The following HCN1 variants were observed in gnomAD, a reference collection of about 807,000 sequenced individuals.
HCN1 encodes potassium/sodium hyperpolarization-activated cyclic nucleotide-gated channel 1.
A neutral mutation model predicts 78.9 loss-of-function variants in HCN1; 13 were observed. The observed-to-expected ratio is 0.16, with a 90% CI of 0.11 to 0.26. The LOEUF (loss-of-function observed/expected upper bound fraction) is 0.26, where lower values mean the gene tolerates loss of function less well. Among genes scored for constraint, HCN1 ranks in the 10% least tolerant of loss-of-function variants. The pLI, the probability that HCN1 is intolerant of heterozygous loss-of-function variation, is 1.00. For missense variants in HCN1, 810 were observed against 1,154.3 expected, an observed-to-expected ratio of 0.70 and a Z score of 4.32; for synonymous variants, 552 against 455.5, an observed-to-expected ratio of 1.21 and a Z score of -2.70.
intron 3 of HCN1, among the ~76,000 whole-genome samples, chr5:45,408,277 T>C (rs955633513): frequency 7.2e-5 from 11 of 152,180 alleles, no homozygotes; most frequent in Non-Finnish European, 1.2e-4. Flanking sequence ...GCCTTACTAC[T>C]CCCTGACTCA....
At chr5:45,276,585 A>G (rs765453149) in intron 6 of HCN1, among the ~76,000 whole-genome samples, 31 of 152,170 alleles carry the variant, frequency 2.0e-4, no homozygotes, top group Non-Finnish European at 3.7e-4. Context: ...CAAGTTAACC[A>G]CCATTTTCCC....
At chr5:45,342,732 G>A (rs1000040821) in intron 5 of HCN1, among the ~76,000 whole-genome samples, 1 of 151,946 alleles carries the variant, frequency 6.6e-6, no homozygotes, top group Non-Finnish European at 1.5e-5. Context: ...AACTTTTAGT[G>A]GGTACAGAAA....
chr5:45,327,059 ATC>A lies in HCN1; in HGVS notation c.1378-23222_1378-23221del, dbSNP rs568219278. On this transcript the variant is annotated intron_variant, in intron 5 of 7. Transcript: ENST00000303230. ...GAAGAGTGTTCATTAGAGAATTTGT[ATC>A]TCTGCTTTACTATGTGGTATCAGGT... 1.4e-3 allele frequency among the ~76,000 whole-genome samples: 219 copies of A among 151,804 alleles called. 2 individuals are homozygous for A. Among genetic ancestry groups the A allele is most frequent in the African/African-American group, 5.2e-3 (214 of 41,496 alleles).
At chr5:45,497,100 C>T (rs2111719455) in intron 2 of HCN1, among the ~76,000 whole-genome samples, 1 of 152,200 alleles carries the variant, frequency 6.6e-6, no homozygotes, top group South Asian at 2.1e-4. Flanking sequence ...TTTAAATTTG[C>T]TGAGGAGATC....
intron 2 of HCN1, among the ~76,000 whole-genome samples, chr5:45,632,066 T>C (rs1745277898): frequency 6.6e-6 from 1 of 152,260 alleles, no homozygotes; most frequent in South Asian, 2.1e-4. Flanking sequence ...TTATTTTTTA[T>C]ACAAATGTTG....
At chr5:45,563,236 G>A (rs1743641546) in intron 2 of HCN1, among the ~76,000 whole-genome samples, 2 of 152,056 alleles carry the variant, frequency 1.3e-5, no homozygotes, top group Non-Finnish European at 2.9e-5. Flanking sequence ...GATCACCTGA[G>A]GTCAGGAGTT....
At chr5:45,569,859 A>T (rs568592611) in intron 2 of HCN1, among the ~76,000 whole-genome samples, 1 of 152,084 alleles carries the variant, frequency 6.6e-6, no homozygotes, top group South Asian at 2.1e-4. Context: ...CATCATCATC[A>T]TCCTATGATT....
chr5:45,665,299 G>A (rs1746014214), intron 1 of HCN1, among the ~76,000 whole-genome samples: 1 of 130,308 alleles, frequency 7.7e-6, no homozygotes, highest in Non-Finnish European at 1.6e-5. Flanking sequence ...GGACTGTTGT[G>A]GGGTGGGGGG....
intron 4 of HCN1, among the ~76,000 whole-genome samples, chr5:45,373,750 A>C (rs1356973342): frequency 8.3e-6 from 1 of 120,568 alleles, no homozygotes; most frequent in African/African-American, 3.3e-5. Context: ...AATATATTAC[A>C]TACGGTATAT....
At chr5:45,372,771 T>C (rs1444115275) in intron 4 of HCN1, among the ~76,000 whole-genome samples, 1 of 143,914 alleles carries the variant, frequency 6.9e-6, no homozygotes, top group Non-Finnish European at 1.5e-5. Flanking sequence ...CAAAAATATA[T>C]ACGTATTCTA....
At chr5:45,268,687 A>G (rs1456420922) in intron 6 of HCN1, among the ~76,000 whole-genome samples, 1 of 152,214 alleles carries the variant, frequency 6.6e-6, no homozygotes, top group East Asian at 1.9e-4. Context: ...TAAACCATCA[A>G]TTATGCTGTT....
chr5:45,367,535 G>T (rs1747260330), intron 4 of HCN1, among the ~76,000 whole-genome samples: 1 of 151,888 alleles, frequency 6.6e-6, no homozygotes. Context: ...GATGTTACCA[G>T]TGGTAAGAGG....
chr5:45,446,874 G>A (rs1740809958), intron 3 of HCN1, among the ~76,000 whole-genome samples: 1 of 151,878 alleles, frequency 6.6e-6, no homozygotes, highest in Non-Finnish European at 1.5e-5. Flanking sequence ...CCCTAAAAGA[G>A]CTCCTGAAGG....
chr5:45,312,214 A>G (rs992563340), intron 5 of HCN1, among the ~76,000 whole-genome samples: 9 of 152,320 alleles, frequency 5.9e-5, no homozygotes, highest in Middle Eastern at 6.8e-3. Context: ...TCATTTGGCA[A>G]ACGGTAACCC....
At chr5:45,329,880 C>A (rs1746310801) in intron 5 of HCN1, among the ~76,000 whole-genome samples, 1 of 151,254 alleles carries the variant, frequency 6.6e-6, no homozygotes, top group Middle Eastern at 3.2e-3. Flanking sequence ...AACCTTACAA[C>A]CATGAAAGAC....
At chr5:45,452,181 C>T (rs913376520) in intron 3 of HCN1, among the ~76,000 whole-genome samples, 2 of 151,982 alleles carry the variant, frequency 1.3e-5, no homozygotes, top group Non-Finnish European at 2.9e-5. Flanking sequence ...TAACAGTCCA[C>T]AGCTAGGTGT....
chr5:45,434,028 C>A (rs1740516320), intron 3 of HCN1, among the ~76,000 whole-genome samples: 1 of 152,092 alleles, frequency 6.6e-6, no homozygotes, highest in Non-Finnish European at 1.5e-5. Flanking sequence ...AGTGGTGTCC[C>A]AGTGTCAGAG....
chr5:45,323,598 G>C (rs145442781), intron 5 of HCN1, among the ~76,000 whole-genome samples: 1 of 151,786 alleles, frequency 6.6e-6, no homozygotes, highest in Non-Finnish European at 1.5e-5. Flanking sequence ...AAGTTTTACA[G>C]TACATATGCA....
At chr5:45,506,047 T>G (rs974068518) in intron 2 of HCN1, among the ~76,000 whole-genome samples, 7 of 152,166 alleles carry the variant, frequency 4.6e-5, no homozygotes, top group African/African-American at 1.7e-4. Context: ...TATAGTTATG[T>G]TCACTAGAAT....
Sources: gnomAD v4.1 joint callset for allele counts (sites outside exome capture counted in the v4.1 genomes callset) on GRCh38, gnomAD v4.1.1 for gene constraint, MANE v1.5 for transcripts, NCBI Gene and HGNC (gene_info 2026-07-23, HGNC 2026-07-21) for gene names.